PACSIN2: variants seen among roughly 807,000 people sequenced by gnomAD.
PACSIN2 encodes protein kinase C and casein kinase substrate in neurons protein 2.
In PACSIN2, 25 loss-of-function variants were observed where a neutral mutation model predicts 63.8. That is an observed-to-expected ratio of 0.39 (90% CI 0.29 to 0.55). The LOEUF is 0.55. Ranked by LOEUF, PACSIN2 falls within the 20% of genes least tolerant of loss-of-function variation. The pLI, the probability that PACSIN2 is intolerant of heterozygous loss-of-function variation, is 0.62. For synonymous variants in PACSIN2, 255 were observed against 256.2 expected, an observed-to-expected ratio of 1.00 and a Z score of 0.05; for missense variants, 518 against 646.9, an observed-to-expected ratio of 0.80 and a Z score of 2.16.
At chr22:42,935,500 C>T (rs1246837455) in intron 1 of PACSIN2, among the ~76,000 whole-genome samples, 1 of 152,166 alleles carries the variant, frequency 6.6e-6, no homozygotes, top group African/African-American at 2.4e-5. Flanking sequence ...AGCTTTGCCA[C>T]CAGCTGGTGA....
intron 1 of PACSIN2, among the ~76,000 whole-genome samples, chr22:42,919,772 CA>C (rs761464603): frequency 5.7e-3 from 278 of 48,790 alleles, no homozygotes; most frequent in Middle Eastern, 0.028. Flanking sequence ...GAACCTGTCT[CA>C]AAAAAAAAAA....
intron 8 of PACSIN2, 111 bp from the exon 9 acceptor site, chr22:42,877,121 G>A (rs1266647788): frequency 7.7e-6 from 9 of 1,166,196 alleles, no homozygotes; most frequent in African/African-American, 4.6e-5. Flanking sequence ...TCCTGTGACC[G>A]GAGGGGACCG....
intron 8 of PACSIN2, 110 bp from the exon 9 acceptor site, chr22:42,877,120 C>A (rs1041210348): frequency 2.6e-6 from 3 of 1,150,850 alleles, no homozygotes; most frequent in African/African-American, 1.5e-5. Flanking sequence ...CTCCTGTGAC[C>A]GGAGGGGACC....
intron 1 of PACSIN2, among the ~76,000 whole-genome samples, chr22:43,009,283 A>G (rs1034115675): frequency 2.6e-5 from 4 of 152,190 alleles, no homozygotes; most frequent in Non-Finnish European, 5.9e-5. Flanking sequence ...AGGAATATCT[A>G]TTGCCACCTG....
rs969394925 is a variant in PACSIN2 at position 42,871,541 on chromosome 22, G to C, written c.1349-72C>G. On this transcript the variant is annotated intron_variant, in intron 10 of 10. Transcript: ENST00000263246. The surrounding 1 kb of genome is among the most constrained non-coding windows in gnomAD (Gnocchi z 5.4). The stretch of plus-strand genomic sequence containing the variant: ...CGGTGGGCTACAGAGCCGCATTCAC[G>C]AGCTTTGAGCCCACAGAGGGTGGAG... 8 of 1,198,212 alleles carry C rather than the reference G, an allele frequency of 6.7e-6. No individual in the cohort carries two copies. Among genetic ancestry groups the C allele is most frequent in the Non-Finnish European group, 1.0e-5 (8 of 802,796 alleles). The allele number at this position is 1,198,212 out of a possible 1,614,324, so 74.2% of individuals were successfully genotyped here.
At chr22:42,986,522 T>C (rs1922621429) in intron 1 of PACSIN2, among the ~76,000 whole-genome samples, 1 of 152,116 alleles carries the variant, frequency 6.6e-6, no homozygotes, top group South Asian at 2.1e-4. Context: ...GGCTCATTCC[T>C]CCACAGTTCA....
At chr22:42,990,036 GTATA>G (rs3985928) in intron 1 of PACSIN2, among the ~76,000 whole-genome samples, 633 of 33,356 alleles carry the variant, frequency 0.019, 10 homozygotes, top group African/African-American at 0.048. Flanking sequence ...GTATATATAT[GTATA>G]TATATATATA....
intron 1 of PACSIN2, among the ~76,000 whole-genome samples, chr22:42,930,572 A>C (rs1932763137): frequency 6.6e-6 from 1 of 152,264 alleles, no homozygotes; most frequent in African/African-American, 2.4e-5. Context: ...TAAATTAATC[A>C]AAATGTTTCT....
intron 2 of PACSIN2, among the ~76,000 whole-genome samples, chr22:42,904,859 C>A (rs1048184288): frequency 2.6e-5 from 4 of 152,248 alleles, no homozygotes; most frequent in African/African-American, 9.6e-5. Context: ...TGTGCCTGGG[C>A]ACCCCAGCTC....
chr22:42,989,859 GA>G lies in PACSIN2; in HGVS notation c.-78+25161del, dbSNP rs575057018. On this transcript the variant is annotated intron_variant, in intron 1 of 10. Coordinates refer to ENST00000263246, the MANE Select transcript of PACSIN2 (RefSeq NM_001184970.3). The stretch of plus-strand genomic sequence containing the variant: ...AAGAAAACTCATTCTCTTGGAGGGG[GA>G]AAAAAAAATATATATATATATATAT... Among the ~76,000 whole-genome samples the G allele has an allele frequency of 4.5e-3, 514 of 115,142 alleles. 4 individuals are homozygous for G. Among genetic ancestry groups the G allele is most frequent in the African/African-American group, 0.014 (431 of 30,432 alleles). 75.5% of individuals were successfully genotyped at this position (115,142 alleles called of 152,430 possible). A position where few individuals can be genotyped will look rare whatever the true frequency, so the allele number is the denominator to read the frequency against.
Position 42,909,657 on chromosome 22 carries a change from T to A in PACSIN2, c.60+2364A>T, listed in dbSNP as rs967069739. ...AGGAGATGTTCTTGTCTACTGACAT[T>A]ATTGCAGTTGAGAATTTAACAGGGA... On this transcript the variant is annotated intron_variant, in intron 2 of 10. Transcript: ENST00000263246. The A allele has an allele frequency of 1.1e-5, 5 of 462,616 alleles. No homozygotes were observed. In the East Asian group the frequency reaches 3.5e-4, roughly 33 times the overall value. The allele number at this position is 462,616 out of a possible 1,614,324, so 28.7% of individuals were successfully genotyped here.
At chr22:42,889,201 G>GCACGCACATGGAA (rs920018546) in intron 4 of PACSIN2, among the ~76,000 whole-genome samples, 5 of 152,042 alleles carry the variant, frequency 3.3e-5, no homozygotes, top group South Asian at 4.2e-4. Flanking sequence ...CGCACATGGA[G>GCACGCACATGGAA]CACGCACATG....
chr22:42,938,255 C>T (rs1430637057), intron 1 of PACSIN2, among the ~76,000 whole-genome samples: 1 of 152,140 alleles, frequency 6.6e-6, no homozygotes, highest in Non-Finnish European at 1.5e-5. Context: ...GAATGCTAGG[C>T]AGTGAATTCC....
At chr22:42,914,341 T>C (rs1184377888) in intron 1 of PACSIN2, among the ~76,000 whole-genome samples, 2 of 152,232 alleles carry the variant, frequency 1.3e-5, no homozygotes, top group Admixed American at 1.3e-4. Flanking sequence ...CAAGCAACTC[T>C]AGTGCCTCAG....
Position 42,991,812 on chromosome 22 carries a change from CAAAA to C in PACSIN2, c.-78+23205_-78+23208del, listed in dbSNP as rs58208243. On this transcript the variant is annotated intron_variant, in intron 1 of 10. Coordinates refer to ENST00000263246, the MANE Select transcript of PACSIN2 (RefSeq NM_001184970.3). ...ACTGAAACAACTGGCTATCCACAGA[CAAAA>C]AAAAAAAAAAAAAACCTTCAATTCA... 1.5e-3 allele frequency among the ~76,000 whole-genome samples: 174 copies of C among 119,812 alleles called. 4 individuals are homozygous for C. Among genetic ancestry groups the C allele is most frequent in the South Asian group, 8.1e-3 (31 of 3,818 alleles). 78.6% of individuals were successfully genotyped at this position (119,812 alleles called of 152,430 possible).
At chr22:42,958,862 G>A (rs770443952) in intron 1 of PACSIN2, among the ~76,000 whole-genome samples, 2 of 152,152 alleles carry the variant, frequency 1.3e-5, no homozygotes, top group Admixed American at 6.5e-5. Flanking sequence ...TGAGTGATGG[G>A]TCACTTAAGT....
At chr22:42,929,714 G>A (rs1555922485) in intron 1 of PACSIN2, among the ~76,000 whole-genome samples, 1 of 152,212 alleles carries the variant, frequency 6.6e-6, no homozygotes, top group African/African-American at 2.4e-5. Context: ...GACAAGGCAG[G>A]AGAGTGACCC....
intron 7 of PACSIN2, among the ~76,000 whole-genome samples, chr22:42,881,965 G>A (rs969812134): frequency 3.3e-5 from 5 of 152,200 alleles, no homozygotes; most frequent in Non-Finnish European, 5.9e-5. Context: ...GGACATAACC[G>A]CGACTTCAGG....
chr22:42,897,378 C>T (rs1165518330), intron 2 of PACSIN2, among the ~76,000 whole-genome samples: 1 of 152,218 alleles, frequency 6.6e-6, no homozygotes, highest in Non-Finnish European at 1.5e-5. Context: ...TATTTCTGCT[C>T]TATCAGTTTT....
Sources: gnomAD v4.1 joint callset for allele counts (sites outside exome capture counted in the v4.1 genomes callset) on GRCh38, gnomAD v4.1.1 for gene constraint, Gnocchi (gnomAD v3.1) non-coding constraint, MANE v1.5 for transcripts, NCBI Gene and HGNC (gene_info 2026-07-23, HGNC 2026-07-21) for gene names.